The following CLMP variants were observed in gnomAD, a reference collection of about 807,000 sequenced individuals.
The protein encoded by CLMP is CXADR like cell adhesion molecule.
CLMP carries 27 observed loss-of-function variants against 45.2 expected under a neutral mutation model. The observed-to-expected ratio is 0.60, with a 90% CI of 0.44 to 0.82. The LOEUF is 0.82. Ranked by LOEUF, CLMP falls within the 40% of genes least tolerant of loss-of-function variation. CLMP has a pLI of 0.00. For synonymous variants in CLMP, 167 were observed against 171.4 expected, an observed-to-expected ratio of 0.97 and a Z score of 0.20; for missense variants, 403 against 448.4, an observed-to-expected ratio of 0.90 and a Z score of 0.91.
chr11:123,130,287 T>C (rs116604084), intron 1 of CLMP, among the ~76,000 whole-genome samples: 2,316 of 152,226 alleles, frequency 0.015, 55 homozygotes, highest in African/African-American at 0.052. Context: ...CTTTCGTGGA[T>C]GAAGATCACT....
intron 1 of CLMP, among the ~76,000 whole-genome samples, chr11:123,185,979 C>T (rs1861829363): frequency 6.6e-6 from 1 of 152,072 alleles, no homozygotes; most frequent in African/African-American, 2.4e-5. Context: ...ACTTGCAGCT[C>T]CCACAGGCCA....
Position 123,074,604 on chromosome 11 carries a change from A to G in CLMP, c.821+98T>C, listed in dbSNP as rs577104633. 8.1e-5 allele frequency: 100 copies of G among 1,239,708 alleles called. No homozygotes were observed. The African/African-American group carries it at 1.4e-3, about 18-fold the overall frequency. 76.8% of individuals were successfully genotyped at this position (1,239,708 alleles called of 1,614,324 possible). Reference sequence around the variant, plus strand: ...CCAGGATAATCCTTTTAACAGATTCATGGTTAAGAGAAAACTGGGAACATT... The same window carrying G: ...CCAGGATAATCCTTTTAACAGATTCGTGGTTAAGAGAAAACTGGGAACATT... On this transcript the variant is annotated intron_variant, in intron 6 of 6. Transcript: ENST00000448775.
chr11:123,099,690 C>T (rs950053894), intron 1 of CLMP, among the ~76,000 whole-genome samples: 4 of 151,548 alleles, frequency 2.6e-5, no homozygotes, highest in South Asian at 2.1e-4. Context: ...ATGGGAGAGG[C>T]GGTGGGGGGC....
In CLMP at chr11:123,083,758, C is replaced by T; in HGVS notation, c.478G>A (p.Glu160Lys). 1.9e-6 allele frequency: 3 copies of T among 1,614,110 alleles called. No homozygotes were observed. Among genetic ancestry groups the T allele is most frequent in the Non-Finnish European group, 2.5e-6 (3 of 1,180,028 alleles). ...CGCTGCCAGTAATACACAATGGGCT[C>T]TGTGCCAGAGGATGACTCACACTGC... ...TLQCESSSGT[E>K]PIVYYWQRIR... The change falls in exon 4 of 7, where the codon GAG (glutamate) becomes AAG (lysine). Residue 160 changes from glutamate to lysine, a missense_variant. Transcript: ENST00000448775.
intron 5 of CLMP, among the ~76,000 whole-genome samples, chr11:123,078,175 T>G (rs1865762006): frequency 6.6e-6 from 1 of 152,152 alleles, no homozygotes; most frequent in Non-Finnish European, 1.5e-5. Context: ...CTCTAAAAGA[T>G]AAATTCACAG....
intron 1 of CLMP, chr11:123,136,215 C>T: frequency 1.5e-6 from 1 of 645,872 alleles, no homozygotes; most frequent in South Asian, 1.4e-5. Context: ...CCAGGAACAC[C>T]ACCCATTACA....
chr11:123,116,541 CT>C (rs1224278940), intron 1 of CLMP, among the ~76,000 whole-genome samples: 5 of 152,102 alleles, frequency 3.3e-5, no homozygotes, highest in Non-Finnish European at 2.9e-5. Context: ...GCATGCCAGC[CT>C]GGGCAATAAG....
Position 123,110,830 on chromosome 11 carries a change from T to G in CLMP, c.29-12878A>C, listed in dbSNP as rs147505463. On this transcript the variant is annotated intron_variant, in intron 1 of 6. Coordinates refer to ENST00000448775, the MANE Select transcript of CLMP (RefSeq NM_024769.5). ...TGCCATTTGGGCTTAATATGTTGAC[T>G]GACTCTGTAACAGCGCTGTCTGATA... is the stretch of plus-strand genomic sequence containing the variant. Among the ~76,000 whole-genome samples, 1,476 of 152,324 alleles carry G rather than the reference T, an allele frequency of 9.7e-3. 16 individuals carry two copies. Among genetic ancestry groups the G allele is most frequent in the Admixed American group, 0.015 (228 of 15,292 alleles).
intron 1 of CLMP, among the ~76,000 whole-genome samples, chr11:123,112,341 T>TTC (rs1565385648): frequency 6.7e-6 from 1 of 149,864 alleles, no homozygotes; most frequent in African/African-American, 2.4e-5. Flanking sequence ...TCTTTTTCTT[T>TTC]TTTTTTTTTT....
chr11:123,166,053 C>G (rs964767878), intron 1 of CLMP, among the ~76,000 whole-genome samples: 5 of 152,174 alleles, frequency 3.3e-5, no homozygotes, highest in African/African-American at 1.2e-4. Flanking sequence ...ACTACAAAGC[C>G]ATATGGACTC....
At chr11:123,105,793 G>A (rs1050994663) in intron 1 of CLMP, among the ~76,000 whole-genome samples, 2 of 150,968 alleles carry the variant, frequency 1.3e-5, no homozygotes, top group African/African-American at 4.9e-5. Flanking sequence ...ATGGGCAGGA[G>A]GAACTGTGGT....
At chr11:123,162,696 G>A (rs370653824) in intron 1 of CLMP, among the ~76,000 whole-genome samples, 2 of 151,476 alleles carry the variant, frequency 1.3e-5, no homozygotes, top group African/African-American at 4.9e-5. Context: ...AGGAGTTTGA[G>A]AACAGCCTGG....
At chr11:123,140,996 C>G (rs1364818333) in intron 1 of CLMP, among the ~76,000 whole-genome samples, 1 of 152,042 alleles carries the variant, frequency 6.6e-6, no homozygotes, top group Non-Finnish European at 1.5e-5. Flanking sequence ...TCCCTCACCT[C>G]TTGCTCCCTC....
intron 1 of CLMP, among the ~76,000 whole-genome samples, chr11:123,194,274 T>C (rs1478493611): frequency 6.6e-6 from 1 of 152,168 alleles, no homozygotes; most frequent in African/African-American, 2.4e-5. Flanking sequence ...CTGCGTTTTT[T>C]CCAAGTCTTC....
chr11:123,172,813 A>C (rs540054689), intron 1 of CLMP, among the ~76,000 whole-genome samples: 1 of 152,224 alleles, frequency 6.6e-6, no homozygotes, highest in African/African-American at 2.4e-5. Flanking sequence ...ATTGTATTTT[A>C]TTATGTCCTT....
At chr11:123,179,927 C>T (rs980570119) in intron 1 of CLMP, among the ~76,000 whole-genome samples, 11 of 152,194 alleles carry the variant, frequency 7.2e-5, no homozygotes, top group Non-Finnish European at 1.5e-4. Flanking sequence ...GTAACACTGG[C>T]TAGGAACTTA....
chr11:123,150,582 A>AAAGG (rs57990609), intron 1 of CLMP, among the ~76,000 whole-genome samples: 48,945 of 116,654 alleles, frequency 0.42, 12,934 homozygotes, highest in African/African-American at 0.7. Flanking sequence ...GGAAGGAAGG[A>AAAGG]AAGGAAGGAA....
intron 1 of CLMP, among the ~76,000 whole-genome samples, chr11:123,106,430 C>CTT (rs1860557025): frequency 1.0e-5 from 1 of 95,262 alleles, no homozygotes; most frequent in African/African-American, 4.5e-5. Flanking sequence ...TGTGTGCGCG[C>CTT]GCGCGCGCGC....
intron 1 of CLMP, among the ~76,000 whole-genome samples, chr11:123,144,169 C>G (rs1861205379): frequency 1.3e-5 from 2 of 152,118 alleles, no homozygotes; most frequent in South Asian, 2.1e-4. Flanking sequence ...AACTCCTAAC[C>G]CACAGAGATG....
Sources: gnomAD v4.1 joint callset for allele counts (sites outside exome capture counted in the v4.1 genomes callset) on GRCh38, gnomAD v4.1.1 for gene constraint, MANE v1.5 for transcripts, NCBI Gene and HGNC (gene_info 2026-07-23, HGNC 2026-07-21) for gene names.